ENPP1: variants seen among roughly 807,000 people sequenced by gnomAD.
The protein encoded by ENPP1 is ectonucleotide pyrophosphatase/phosphodiesterase 1.
In ENPP1, 73 loss-of-function variants were observed where a neutral mutation model predicts 122.8. That is an observed-to-expected ratio of 0.59 (90% CI 0.49 to 0.72). ENPP1 has a LOEUF of 0.72. ENPP1 is among the 30% of genes least tolerant of loss of function. The pLI is 0.00. For missense variants in ENPP1, 978 were observed against 1,128.1 expected, an observed-to-expected ratio of 0.87 and a Z score of 1.91; for synonymous variants, 367 against 391.6, an observed-to-expected ratio of 0.94 and a Z score of 0.74.
intron 12 of ENPP1, among the ~76,000 whole-genome samples, 172 bp from the exon 13 acceptor site, chr6:131,869,186 G>A (rs541586624): frequency 7.9e-4 from 121 of 152,294 alleles, no homozygotes; most frequent in Non-Finnish European, 1.5e-3. Flanking sequence ...TTTGAAAAAA[G>A]TGAAGTGATA....
Position 131,875,882 on chromosome 6 carries a change from C to T in ENPP1, c.1723+19C>T. ...ATGTGTGGTAAGTGTGAACAGGTGC[C>T]TTTTTTCCCTTCTGAAAATAGACCT... is the stretch of plus-strand genomic sequence containing the variant. On this transcript the variant is annotated intron_variant, in intron 17 of 24. Transcript: ENST00000647893. 1 of 1,578,616 alleles carries T rather than the reference C, an allele frequency of 6.3e-7. No individual in the cohort carries two copies.
intron 1 of ENPP1, among the ~76,000 whole-genome samples, chr6:131,838,652 GTAA>G (rs1347573612): frequency 2.0e-5 from 3 of 148,980 alleles, no homozygotes; most frequent in African/African-American, 7.3e-5. Context: ...AAAAATAAGA[GTAA>G]GACCAGAAAT....
At chr6:131,874,220 GT>G (rs1250145689) in intron 15 of ENPP1, 47 bp from the exon 16 acceptor site, 2 of 1,052,232 alleles carry the variant, frequency 1.9e-6, no homozygotes, top group South Asian at 2.5e-5. Flanking sequence ...TATCAATTAT[GT>G]TTTATGAAAG....
rs62424513 is a variant in ENPP1, at chr6:131,873,286, C to G, written c.1565+236C>G. Among the ~76,000 whole-genome samples the G allele has an allele frequency of 0.049, 7,453 of 152,234 alleles. 285 individuals are homozygous for G. The highest frequency in any genetic ancestry group is 0.1 in the African/African-American group (4,283 of 41,540). On this transcript the variant is annotated intron_variant, in intron 15 of 24. Transcript: ENST00000647893. Reference sequence around the variant, plus strand: ...GACAAGGATCCTTTACTTCTCCCCACTAGATGAAAGTAGCACTTCTTCTGT... The same window carrying G: ...GACAAGGATCCTTTACTTCTCCCCAGTAGATGAAAGTAGCACTTCTTCTGT...
intron 1 of ENPP1, chr6:131,819,838 T>C (rs1562509319): frequency 7.0e-6 from 3 of 425,826 alleles, no homozygotes; most frequent in East Asian, 1.2e-4. Flanking sequence ...GGAGGAGGAC[T>C]GGGGCCACGC....
At chr6:131,820,079 C>T (rs1035165301) in intron 1 of ENPP1, 17 of 483,278 alleles carry the variant, frequency 3.5e-5, no homozygotes, top group African/African-American at 1.2e-4. Flanking sequence ...TGTCCATTTG[C>T]GATGTAAACC....
chr6:131,808,073 G>A lies in ENPP1; in HGVS notation c.38G>A (p.Gly13Asp). Residue 13 changes from glycine (G) to aspartate (D), a missense_variant, in exon 1 of 25, where the codon GGC becomes GAC. Physicochemically the swap from Gly to Asp is moderately conservative, Grantham distance 94 (BLOSUM62 -1). Around this residue, in one of 3 missense-constraint regions of ENPP1, gnomAD observed 330 missense variants for 328.5 expected, o/e 1.00. Transcript: ENST00000647893. ...GGCTGCGCGGGGGGCGGGAGCCGCG[G>A]CGGCGAGGGCGGGCGCGCTCCCCGG... ...RDGCAGGGSR[G>D]GEGGRAPREG... is the part of the protein sequence containing the mutation. The A allele has an allele frequency of 6.9e-6, 7 of 1,016,532 alleles. No individual in the cohort carries two copies. Among genetic ancestry groups the A allele is most frequent in the Non-Finnish European group, 8.2e-6 (7 of 851,228 alleles). 63.0% of individuals were successfully genotyped at this position (1,016,532 alleles called of 1,614,324 possible).
intron 1 of ENPP1, chr6:131,828,396 C>T: frequency 2.7e-6 from 1 of 374,166 alleles, no homozygotes; most frequent in Non-Finnish European, 5.2e-6. Context: ...AACATTTTAG[C>T]TCGGTTAGTG....
intron 1 of ENPP1, among the ~76,000 whole-genome samples, chr6:131,815,875 T>C (rs1781407394): frequency 6.7e-6 from 1 of 148,188 alleles, no homozygotes; most frequent in Non-Finnish European, 1.5e-5. Context: ...TGGCTAATTT[T>C]TTTTTTTTTT....
At chr6:131,886,882 A>G (rs1347881748) in intron 24 of ENPP1, among the ~76,000 whole-genome samples, 158 bp downstream of exon 24, 1 of 151,666 alleles carries the variant, frequency 6.6e-6, no homozygotes, top group Admixed American at 6.6e-5. Context: ...TTTTAAGATG[A>G]CATATCTTTG....
intron 1 of ENPP1, among the ~76,000 whole-genome samples, chr6:131,836,295 G>A (rs1781673320): frequency 1.3e-5 from 2 of 152,090 alleles, no homozygotes; most frequent in East Asian, 3.9e-4. Context: ...TGTATTTTTA[G>A]TAGAGACAGG....
At position 131,871,765 on chromosome 6, in the gene ENPP1, A is replaced by G. The variant is rs1011458122; in HGVS notation, c.1406-305A>G. 4.6e-5 allele frequency among the ~76,000 whole-genome samples: 7 copies of G among 152,184 alleles called. No individual in the cohort carries two copies. The East Asian group carries it at 1.2e-3, about 25-fold the overall frequency. On this transcript the variant is annotated intron_variant, in intron 13 of 24. Transcript: ENST00000647893. Reference sequence around the variant, plus strand: ...TAACTGGATGGAAAGATGGTTGGACAGGTGGATGGATAGTTAGGTGGATGA... The same window carrying G: ...TAACTGGATGGAAAGATGGTTGGACGGGTGGATGGATAGTTAGGTGGATGA...
In ENPP1 at chr6:131,877,560, A is replaced by G. The variant is rs763437559; in HGVS notation, c.1893+399A>G. On this transcript the variant is annotated intron_variant, in intron 18 of 24. Transcript: ENST00000647893. The stretch of plus-strand genomic sequence containing the variant: ...ATGTACCTTTTTAAAAATACAATTC[A>G]GATTGTTTAAATGTAGGGAGAAAAA... The G allele has an allele frequency of 1.1e-3, 207 of 193,614 alleles. 2 individuals carry two copies. The highest frequency in any genetic ancestry group is 5.6e-4 in the Non-Finnish European group (52 of 92,794). 12.0% of individuals were successfully genotyped at this position (193,614 alleles called of 1,614,324 possible).
intron 1 of ENPP1, chr6:131,826,560 A>C: frequency 1.6e-6 from 2 of 1,218,894 alleles, no homozygotes; most frequent in Non-Finnish European, 2.4e-6. Context: ...GGTCTAACTC[A>C]TGCAAATTAT....
chr6:131,830,534 C>A (rs2114670129), intron 1 of ENPP1, among the ~76,000 whole-genome samples: 1 of 152,280 alleles, frequency 6.6e-6, no homozygotes, highest in African/African-American at 2.4e-5. Flanking sequence ...ACTGTCTGCA[C>A]ATTGTTGATT....
chr6:131,877,188 A>G (rs1281507840), intron 18 of ENPP1, 27 bp downstream of exon 18: 1 of 1,608,340 alleles, frequency 6.2e-7, no homozygotes, highest in East Asian at 2.2e-5. Context: ...AGTTTGGTCC[A>G]GTATGTATGG....
At chr6:131,853,224 A>G (rs1488573781) in intron 5 of ENPP1, among the ~76,000 whole-genome samples, 1 of 152,176 alleles carries the variant, frequency 6.6e-6, no homozygotes, top group East Asian at 1.9e-4. Flanking sequence ...AACAGCAGCC[A>G]AAACTAAACC....
intron 1 of ENPP1, among the ~76,000 whole-genome samples, chr6:131,831,114 CAAAAAAAA>C (rs3036850): frequency 1.2e-4 from 7 of 60,018 alleles, no homozygotes; most frequent in African/African-American, 3.9e-4. Flanking sequence ...GCCCATCTCT[CAAAAAAAA>C]AAAAAAAAAA....
At chr6:131,845,982 G>A (rs546333265) in intron 1 of ENPP1, among the ~76,000 whole-genome samples, 1 of 152,132 alleles carries the variant, frequency 6.6e-6, no homozygotes, top group East Asian at 1.9e-4. Context: ...TGCTTTCTTT[G>A]CAAAAACTCT....
Sources: gnomAD v4.1 joint callset for allele counts (sites outside exome capture counted in the v4.1 genomes callset) on GRCh38, gnomAD v4.1.1 for gene constraint, gnomAD v4.1.1 regional missense constraint, MANE v1.5 for transcripts, NCBI Gene and HGNC (gene_info 2026-07-23, HGNC 2026-07-21) for gene names.